USP34: variants seen among roughly 807,000 people sequenced by gnomAD.
The protein encoded by USP34 is ubiquitin carboxyl-terminal hydrolase 34.
USP34 carries 70 observed loss-of-function variants against 460.3 expected under a neutral mutation model. That is an observed-to-expected ratio of 0.15 (90% CI 0.13 to 0.19). The LOEUF (loss-of-function observed/expected upper bound fraction) is 0.19, where lower values mean the gene tolerates loss of function less well. Among genes scored for constraint, USP34 ranks in the 10% least tolerant of loss-of-function variants. The probability of loss-of-function intolerance (pLI) is 1.00; values close to 1 mark genes in which losing one functional copy is unlikely to be tolerated. For missense variants in USP34, 3,985 were observed against 4,236.2 expected, an observed-to-expected ratio of 0.94 and a Z score of 1.65; for synonymous variants, 1,647 against 1,405.3, an observed-to-expected ratio of 1.17 and a Z score of -3.85.
intron 75 of USP34, among the ~76,000 whole-genome samples, chr2:61,202,011 C>T (rs1686990807): frequency 6.6e-6 from 1 of 152,174 alleles, no homozygotes; most frequent in Admixed American, 6.5e-5. Context: ...CCCCCTACAT[C>T]TTGGCATTCC....
chr2:61,382,166 TA>T (rs1330024379), intron 6 of USP34, among the ~76,000 whole-genome samples: 36 of 152,214 alleles, frequency 2.4e-4, no homozygotes, highest in African/African-American at 8.7e-4. Flanking sequence ...AGTCACCCTA[TA>T]TTTATGATCT....
At chr2:61,342,188 T>C (rs2103760858) in intron 16 of USP34, among the ~76,000 whole-genome samples, 1 of 152,224 alleles carries the variant, frequency 6.6e-6, no homozygotes, top group South Asian at 2.1e-4. Flanking sequence ...ATAGTATCAG[T>C]CCTTAATTTT....
At chr2:61,345,912 T>G (rs1209608550) in intron 15 of USP34, among the ~76,000 whole-genome samples, 1 of 152,206 alleles carries the variant, frequency 6.6e-6, no homozygotes, top group Non-Finnish European at 1.5e-5. Context: ...CTAGGATTAT[T>G]GTTCCCATTT....
intron 8 of USP34, among the ~76,000 whole-genome samples, chr2:61,374,031 C>T (rs1692714421): frequency 6.6e-6 from 1 of 151,992 alleles, no homozygotes. Flanking sequence ...TGGCAGGTGC[C>T]TATAATCCCA....
In USP34 at chr2:61,214,530, C is replaced by A; in HGVS notation, c.8212G>T (p.Ala2738Ser). 1 of 1,613,444 alleles carries A rather than the reference C, an allele frequency of 6.2e-7. No individual in the cohort carries two copies. The highest frequency in any genetic ancestry group is 2.2e-5 in the East Asian group (1 of 44,886). The change falls in exon 68 of 80, where the codon GCC becomes TCC. Residue 2738 changes from alanine (A) to serine (S), a missense_variant. Coordinates refer to ENST00000398571, the MANE Select transcript of USP34 (RefSeq NM_014709.4). ...ACAGCAGCATCAACATAAAGTTTGGCTCTTGAGAGCAAACCAAGGAGCACG... is the reference window on the plus strand; with the variant it reads ...ACAGCAGCATCAACATAAAGTTTGGATCTTGAGAGCAAACCAAGGAGCACG... The part of the protein sequence containing the change: ...YNVLLGLLSR[A>S]KLYVDAAVHG...
chr2:61,283,858 A>G (rs962357016), intron 35 of USP34, among the ~76,000 whole-genome samples: 5 of 149,988 alleles, frequency 3.3e-5, no homozygotes, highest in Non-Finnish European at 7.4e-5. Context: ...TTATTTAAAG[A>G]CTCACTGAAG....
intron 48 of USP34, among the ~76,000 whole-genome samples, chr2:61,253,426 T>C (rs745871813): frequency 4.6e-5 from 7 of 152,210 alleles, no homozygotes; most frequent in Non-Finnish European, 1.0e-4. Flanking sequence ...TCCCTAACTC[T>C]TATCCTAACC....
intron 2 of USP34, among the ~76,000 whole-genome samples, chr2:61,408,032 T>C (rs1023600865): frequency 1.3e-5 from 2 of 152,138 alleles, no homozygotes; most frequent in African/African-American, 4.8e-5. Context: ...GGAGAATCAC[T>C]TGAACCGGGG....
intron 41 of USP34, among the ~76,000 whole-genome samples, chr2:61,266,543 CAAT>C (rs757848464): frequency 6.6e-6 from 1 of 152,144 alleles, no homozygotes; most frequent in Non-Finnish European, 1.5e-5. Context: ...ATAATAGCAA[CAAT>C]AACAGTGGCA....
Position 61,188,417 on chromosome 2 carries a change from A to C in USP34, c.10326T>G (p.Gly3442=), listed in dbSNP as rs1686514698. 3.7e-6 allele frequency: 6 copies of C among 1,614,208 alleles called. No individual in the cohort carries two copies. The East Asian group carries it at 1.1e-4, about 30-fold the overall frequency. The part of the protein sequence containing the change: ...SQHAEEQSNN[G]RYDDCKEFKD... ...TAAATTCTTTACAATCGTCATATCT[A>C]CCATTGTTGGACTGTTCTTCTGCAT... Residue 3442 remains glycine, a synonymous_variant, in exon 80 of 80, where the codon GGT becomes GGG. Transcript: ENST00000398571.
chr2:61,206,035 G>C lies in USP34; in HGVS notation c.9136C>G (p.Leu3046Val), dbSNP rs1024202260. Residue 3046 changes from leucine to valine, a missense_variant, in exon 72 of 80, where the codon CTT becomes GTT. Leu to Val is a conservative substitution (Grantham distance 32, BLOSUM62 1). Transcript: ENST00000398571. ...TLLNSYSPPE[L>V]RNACIDVLKE... ...AACTTACCTATACAGGCATTTCTAA[G>C]TTCTGGAGGACTATAGGAATTAAGA... is the stretch of plus-strand genomic sequence containing the variant. The C allele has an allele frequency of 6.2e-7, 1 of 1,613,320 alleles. No homozygotes were observed. Among genetic ancestry groups the C allele is most frequent in the East Asian group, 2.2e-5 (1 of 44,806 alleles).
chr2:61,356,472 A>AGCGCGC (rs147443977), intron 10 of USP34, among the ~76,000 whole-genome samples: 7 of 145,190 alleles, frequency 4.8e-5, no homozygotes, highest in East Asian at 2.0e-4. Context: ...CCTGGGTGAA[A>AGCGCGC]GCGCACACAC....
At chr2:61,335,959 G>A (rs1406042075) in intron 18 of USP34, among the ~76,000 whole-genome samples, 5 of 152,100 alleles carry the variant, frequency 3.3e-5, no homozygotes, top group Admixed American at 6.5e-5. Context: ...TTCACTGTTG[G>A]TCTTCACAGC....
At chr2:61,197,272 A>G (rs899429386) in intron 75 of USP34, among the ~76,000 whole-genome samples, 6 of 152,212 alleles carry the variant, frequency 3.9e-5, no homozygotes, top group Admixed American at 1.3e-4. Flanking sequence ...CTTTGTCTCA[A>G]AACAACAACA....
At position 61,331,325 on chromosome 2, in the gene USP34, A is replaced by C. The variant is rs1346320258; in HGVS notation, c.2881T>G (p.Leu961Val). ...LNMMKLFFDN[L>V]VYYIQTVREG... ...CTCACAGTTTGAATGTAGTATACCA[A>C]ATTATCAAAGAAAAGCTTCATCATG... The change falls in exon 20 of 80, where the codon TTG (leucine) becomes GTG (valine). Residue 961 changes from leucine (L) to valine (V), a missense_variant. Coordinates refer to ENST00000398571, the MANE Select transcript of USP34 (RefSeq NM_014709.4). 4 of 1,612,370 alleles carry C rather than the reference A, an allele frequency of 2.5e-6. No homozygotes were observed. The highest frequency in any genetic ancestry group is 3.4e-6 in the Non-Finnish European group (4 of 1,179,160).
chr2:61,338,237 C>A (rs1338429153), intron 18 of USP34, among the ~76,000 whole-genome samples: 1 of 152,160 alleles, frequency 6.6e-6, no homozygotes, highest in Non-Finnish European at 1.5e-5. Context: ...GGGAGAATCG[C>A]TTGAATGCGG....
At chr2:61,396,424 C>T (rs779892548) in intron 3 of USP34, among the ~76,000 whole-genome samples, 2 of 152,040 alleles carry the variant, frequency 1.3e-5, no homozygotes, top group Non-Finnish European at 2.9e-5. Flanking sequence ...GCTCATTAAC[C>T]CACAATTAGA....
intron 75 of USP34, among the ~76,000 whole-genome samples, chr2:61,199,195 CATG>C (rs1384046718): frequency 3.9e-5 from 6 of 152,050 alleles, no homozygotes; most frequent in Non-Finnish European, 7.4e-5. Flanking sequence ...TTTCAAATCT[CATG>C]GTGGTATTCA....
chr2:61,392,663 C>T (rs1045399742), intron 5 of USP34, among the ~76,000 whole-genome samples: 2 of 151,984 alleles, frequency 1.3e-5, no homozygotes, highest in East Asian at 1.9e-4. Flanking sequence ...ACCCTGTAAA[C>T]GATAACTTTT....
Sources: allele counts gnomAD v4.1 joint callset (sites outside exome capture counted in the v4.1 genomes callset), GRCh38; gene constraint gnomAD v4.1.1; transcripts MANE v1.5; gene names NCBI Gene and HGNC (gene_info 2026-07-23, HGNC 2026-07-21).